The following FAM107B variants were observed in gnomAD, a reference collection of about 807,000 sequenced individuals.
FAM107B encodes protein FAM107B.
Under a neutral mutation model 31.5 loss-of-function variants are expected in FAM107B, and 21 were observed. The observed-to-expected ratio is 0.67, with a 90% CI of 0.47 to 0.96. The LOEUF (loss-of-function observed/expected upper bound fraction) is 0.96. FAM107B is among the 40% of genes least tolerant of loss of function. FAM107B has a pLI of 0.00. For synonymous variants in FAM107B, 157 were observed against 141.5 expected (o/e 1.11, Z -0.78); for missense variants, 452 against 377.1 (o/e 1.20, Z -1.64).
intron 2 of FAM107B, among the ~76,000 whole-genome samples, chr10:14,635,718 A>C (rs1159209920): frequency 6.6e-6 from 1 of 151,566 alleles, no homozygotes; most frequent in Non-Finnish European, 1.5e-5. Flanking sequence ...TGAAACCTCC[A>C]CCTCCTGGGT....
chr10:14,734,407 A>G (rs1226300253), intron 1 of FAM107B, among the ~76,000 whole-genome samples: 1 of 151,954 alleles, frequency 6.6e-6, no homozygotes, highest in Non-Finnish European at 1.5e-5. Context: ...CCCACAGACC[A>G]CATGTGGTCC....
rs575614576 is a variant in FAM107B, at chr10:14,767,866, G to A, written c.411+6387C>T. Among the ~76,000 whole-genome samples, 121 of 139,690 alleles carry A rather than the reference G, an allele frequency of 8.7e-4. 1 individual carries two copies. The highest frequency in any genetic ancestry group is 1.3e-3 in the Admixed American group (18 of 14,354). 91.6% of individuals were successfully genotyped at this position (139,690 alleles called of 152,430 possible). A position where few individuals can be genotyped will look rare whatever the true frequency, so the allele number is the denominator to read the frequency against. On this transcript the variant is annotated intron_variant, in intron 1 of 4. Transcript: ENST00000181796. ...AATAAAAGGCATCCAAATTGGAAAA[G>A]AAGAAGTAAAATTATCTGTCTGTTG...
intron 1 of FAM107B, among the ~76,000 whole-genome samples, chr10:14,711,690 C>G (rs1855650648): frequency 6.6e-6 from 1 of 152,170 alleles, no homozygotes. Flanking sequence ...GTCGCGCAGG[C>G]TGGGGTGCAG....
chr10:14,577,030 T>C (rs1851486792), intron 2 of FAM107B, among the ~76,000 whole-genome samples: 1 of 152,356 alleles, frequency 6.6e-6, no homozygotes, highest in South Asian at 2.1e-4. Context: ...ATTGTCAATG[T>C]ATGCTTACAA....
At position 14,723,940 on chromosome 10, in the gene FAM107B, T is replaced by G. The variant is rs541573694; in HGVS notation, c.411+50313A>C. ...GTAGATGCCATCACTTTTCCTTTTA[T>G]AGATGTGCTGTTCCATTTGGAAGTC... On this transcript the variant is annotated intron_variant, in intron 1 of 4. Coordinates refer to ENST00000181796, the MANE Select transcript of FAM107B (RefSeq NM_031453.4). The G allele has an allele frequency of 4.9e-5, 37 of 750,264 alleles. No homozygotes were observed. The East Asian group carries it at 8.6e-4, about 18-fold the overall frequency. 46.5% of individuals were successfully genotyped at this position (750,264 alleles called of 1,614,324 possible).
rs79987031 is a variant in FAM107B, at chr10:14,765,283, A to T, written c.411+8970T>A. 8.7e-3 allele frequency among the ~76,000 whole-genome samples: 1,328 copies of T among 152,266 alleles called. 84 individuals are homozygous for T. In the East Asian group the frequency reaches 0.16, roughly 19 times the overall value. On this transcript the variant is annotated intron_variant, in intron 1 of 4. Transcript: ENST00000181796. ...ATAAGTCGATGCCTTTCATCTCTGA[A>T]TTGTCTGAAAATTTTGCATTCTTGC...
chr10:14,729,594 C>A (rs930575509), intron 1 of FAM107B, among the ~76,000 whole-genome samples: 1 of 152,100 alleles, frequency 6.6e-6, no homozygotes, highest in Non-Finnish European at 1.5e-5. Context: ...ACTGTAGACC[C>A]GTGGTTCACA....
At chr10:14,726,399 C>G (rs544828793) in intron 1 of FAM107B, among the ~76,000 whole-genome samples, 1 of 152,086 alleles carries the variant, frequency 6.6e-6, no homozygotes, top group South Asian at 2.1e-4. Context: ...GCCTCAGAGC[C>G]GAGCAGAACA....
intron 2 of FAM107B, among the ~76,000 whole-genome samples, chr10:14,533,549 T>C (rs755660828): frequency 5.9e-5 from 9 of 152,228 alleles, no homozygotes; most frequent in Non-Finnish European, 1.2e-4. Context: ...CGCTCTCGTT[T>C]ACCTGACTGA....
intron 1 of FAM107B, among the ~76,000 whole-genome samples, chr10:14,756,635 C>G (rs1236567496): frequency 6.6e-6 from 1 of 152,148 alleles, no homozygotes; most frequent in Non-Finnish European, 1.5e-5. Flanking sequence ...GACAGAAATA[C>G]CATTTAACCC....
chr10:14,711,810 A>ATTT (rs762871982), intron 1 of FAM107B, among the ~76,000 whole-genome samples: 1 of 152,084 alleles, frequency 6.6e-6, no homozygotes, highest in East Asian at 1.9e-4. Flanking sequence ...CACCCAGCTA[A>ATTT]TGTTTGTATT....
At chr10:14,579,934 A>G (rs1245350848) in intron 2 of FAM107B, among the ~76,000 whole-genome samples, 1 of 152,018 alleles carries the variant, frequency 6.6e-6, no homozygotes, top group Non-Finnish European at 1.5e-5. Context: ...AGGCAGAAGA[A>G]TTGCTTGAAC....
intron 1 of FAM107B, among the ~76,000 whole-genome samples, chr10:14,751,190 C>T (rs1832820770): frequency 1.3e-5 from 2 of 152,322 alleles, no homozygotes; most frequent in South Asian, 4.1e-4. Flanking sequence ...GGAATCCAGA[C>T]ACAAAGACCC....
At chr10:14,772,557 G>A (rs1228004061) in intron 1 of FAM107B, among the ~76,000 whole-genome samples, 2 of 152,034 alleles carry the variant, frequency 1.3e-5, no homozygotes, top group Non-Finnish European at 2.9e-5. Flanking sequence ...TTCAGTGTTT[G>A]CATTGCATCA....
chr10:14,572,942 A>T (rs1851331044), intron 2 of FAM107B, among the ~76,000 whole-genome samples: 1 of 151,802 alleles, frequency 6.6e-6, no homozygotes, highest in African/African-American at 2.4e-5. Flanking sequence ...TTCCAGTTCT[A>T]GATTGTTATT....
At chr10:14,616,363 A>G (rs1339764926) in intron 2 of FAM107B, among the ~76,000 whole-genome samples, 2 of 152,198 alleles carry the variant, frequency 1.3e-5, no homozygotes, top group Non-Finnish European at 2.9e-5. Context: ...TTTTACTGAG[A>G]TTTCCATAAT....
At chr10:14,611,577 G>A (rs1001243838) in intron 2 of FAM107B, among the ~76,000 whole-genome samples, 6 of 148,596 alleles carry the variant, frequency 4.0e-5, no homozygotes, top group African/African-American at 1.2e-4. Context: ...TGGAAGAATG[G>A]AAGGAAGGCT....
intron 4 of FAM107B, 25 bp from the exon 5 acceptor site, chr10:14,521,331 A>T: frequency 6.3e-7 from 1 of 1,587,822 alleles, no homozygotes; most frequent in Middle Eastern, 1.7e-4. Context: ...GAAAAGGAAA[A>T]ATTATTTACA....
At chr10:14,567,398 G>T (rs950702797) in intron 2 of FAM107B, among the ~76,000 whole-genome samples, 2 of 152,128 alleles carry the variant, frequency 1.3e-5, no homozygotes, top group African/African-American at 4.8e-5. Flanking sequence ...AGAGGAGGAG[G>T]GATGGGCTCA....
Sources: gnomAD v4.1 joint callset for allele counts (sites outside exome capture counted in the v4.1 genomes callset) on GRCh38, gnomAD v4.1.1 for gene constraint, MANE v1.5 for transcripts, NCBI Gene and HGNC (gene_info 2026-07-23, HGNC 2026-07-21) for gene names.